The following PHC3 variants were observed in gnomAD, a reference collection of about 807,000 sequenced individuals.
PHC3 encodes polyhomeotic-like protein 3.
PHC3 carries 13 observed loss-of-function variants against 107.4 expected under a neutral mutation model. The ratio of observed to expected loss-of-function variants is 0.12; its 90% CI spans 0.08 to 0.19. The LOEUF (loss-of-function observed/expected upper bound fraction) is 0.19. Among genes scored for constraint, PHC3 ranks in the 10% least tolerant of loss-of-function variants. PHC3 has a pLI of 1.00. For synonymous variants in PHC3, 456 were observed against 427.4 expected, an observed-to-expected ratio of 1.07 and a Z score of -0.83; for missense variants, 992 against 1,210.9, an observed-to-expected ratio of 0.82 and a Z score of 2.68.
chr3:170,115,987 A>G (rs1215129764), intron 10 of PHC3, among the ~76,000 whole-genome samples: 2 of 152,032 alleles, frequency 1.3e-5, no homozygotes, highest in Non-Finnish European at 2.9e-5. Flanking sequence ...AATCCAGATG[A>G]CTCAAAAGGC....
At chr3:170,136,119 T>C (rs920009397) in intron 7 of PHC3, among the ~76,000 whole-genome samples, 2 of 152,172 alleles carry the variant, frequency 1.3e-5, no homozygotes, top group African/African-American at 2.4e-5. Context: ...TTAAATAAAC[T>C]ACAGGCAAAT....
At chr3:170,165,107 A>T (rs1728515654) in intron 4 of PHC3, among the ~76,000 whole-genome samples, 1 of 152,220 alleles carries the variant, frequency 6.6e-6, no homozygotes, top group Non-Finnish European at 1.5e-5. Context: ...GAGAGGCTTC[A>T]GTAGCAGCCT....
rs749446290 is a variant in PHC3 at position 170,091,438 on chromosome 3, T to A, written c.*5792A>T. 3.3e-5 allele frequency: 5 copies of A among 152,152 alleles called. No individual in the cohort carries two copies. Among genetic ancestry groups the A allele is most frequent in the Non-Finnish European group, 5.9e-5 (4 of 68,022 alleles). 9.4% of individuals were successfully genotyped at this position (152,152 alleles called of 1,614,324 possible). A position where few individuals can be genotyped will look rare whatever the true frequency, so the allele number is the denominator to read the frequency against. On this transcript the variant is annotated 3_prime_UTR_variant, in exon 15 of 15. Coordinates refer to ENST00000495893, the MANE Select transcript of PHC3 (RefSeq NM_024947.4). ...TAAAAAGCAGTAGAAACAAAAATATTTTTCAAAAGTATAAAGCTAGCTAGA... is the reference window on the plus strand; with the variant it reads ...TAAAAAGCAGTAGAAACAAAAATATATTTCAAAAGTATAAAGCTAGCTAGA...
chr3:170,117,247 C>T lies in PHC3; in HGVS notation c.2172G>A (p.Gln724=). The change falls in exon 10 of 15, where the codon CAG becomes CAA. Residue 724 remains glutamine (Q), a synonymous_variant. Coordinates refer to ENST00000495893, the MANE Select transcript of PHC3 (RefSeq NM_024947.4). The stretch of plus-strand genomic sequence containing the variant: ...TTACAGGAAATGGCTCCAATCCCTC[C>T]TGAATCACAAAGCCTTCAATAACAT... The part of the protein sequence containing the change: ...LTHVIEGFVI[Q]EGLEPFPVSR... 1 of 1,613,990 alleles carries T rather than the reference C, an allele frequency of 6.2e-7. No homozygotes were observed. Among genetic ancestry groups the T allele is most frequent in the Non-Finnish European group, 8.5e-7 (1 of 1,179,872 alleles).
intron 6 of PHC3, 41 bp downstream of exon 6, chr3:170,145,382 C>A: frequency 1.3e-6 from 2 of 1,526,688 alleles, no homozygotes; most frequent in South Asian, 1.2e-5. Context: ...ACCTGAAGAT[C>A]CAGATCTCAA....
chr3:170,173,935 G>T (rs142709427), intron 2 of PHC3, among the ~76,000 whole-genome samples: 5 of 152,182 alleles, frequency 3.3e-5, no homozygotes, highest in African/African-American at 7.2e-5. Context: ...GCTCATGCCT[G>T]TGATCCCACC....
At chr3:170,172,441 G>C (rs1436891777) in intron 3 of PHC3, 116 bp downstream of exon 3, 1 of 1,138,082 alleles carries the variant, frequency 8.8e-7, no homozygotes, top group Non-Finnish European at 1.2e-6. Flanking sequence ...TTTCCTCCGG[G>C]AAAAATAACC....
chr3:170,129,009 G>C lies in PHC3; in HGVS notation c.1463C>G (p.Ser488Cys), dbSNP rs533549331. Reference sequence around the variant, plus strand: ...TGGAGAGACAATCTGCTGGCCTGGGGATACCAAGGCAGACTGCTGAACTGG... The same window carrying C: ...TGGAGAGACAATCTGCTGGCCTGGGCATACCAAGGCAGACTGCTGAACTGG... The part of the protein sequence containing the change: ...IGPVQQSALV[S>C]PGQQIVSPSH... Residue 488 changes from serine (S) to cysteine (C), a missense_variant, in exon 8 of 15, where the codon TCC (serine) becomes TGC (cysteine). Around this residue, in one of 6 missense-constraint regions of PHC3, gnomAD observed 543 missense variants for 590.8 expected, o/e 0.92. Coordinates refer to ENST00000495893, the MANE Select transcript of PHC3 (RefSeq NM_024947.4). 1.9e-6 allele frequency: 3 copies of C among 1,613,610 alleles called. No homozygotes were observed. The Admixed American group carries it at 5.0e-5, about 27-fold the overall frequency.
chr3:170,098,076 G>A (rs978495116), intron 14 of PHC3, among the ~76,000 whole-genome samples: 2 of 152,056 alleles, frequency 1.3e-5, no homozygotes, highest in African/African-American at 4.8e-5. Flanking sequence ...GCTTGCTGGC[G>A]AATTTCCTGC....
intron 4 of PHC3, chr3:170,170,312 C>T (rs904366678): frequency 1.3e-5 from 2 of 150,440 alleles, no homozygotes; most frequent in African/African-American, 4.9e-5. Flanking sequence ...GGCAGTTTGC[C>T]CCCCACCAGG....
At chr3:170,114,951 T>C (rs1258988081) in intron 10 of PHC3, among the ~76,000 whole-genome samples, 1 of 152,192 alleles carries the variant, frequency 6.6e-6, no homozygotes, top group Non-Finnish European at 1.5e-5. Flanking sequence ...ACAGAAGTTA[T>C]TGCTTAAAGA....
At chr3:170,152,270 A>G (rs1726116393) in intron 4 of PHC3, among the ~76,000 whole-genome samples, 1 of 151,174 alleles carries the variant, frequency 6.6e-6, no homozygotes, top group Admixed American at 6.6e-5. Context: ...TCCTGGGTTC[A>G]CATCATTCTC....
rs2108239348 is a variant in PHC3 at position 170,095,614 on chromosome 3, T to C, written c.*1616A>G. 6.6e-6 allele frequency: 1 copy of C among 152,222 alleles called. No individual in the cohort carries two copies. The highest frequency in any genetic ancestry group is 1.9e-4 in the East Asian group (1 of 5,196). The allele number at this position is 152,222 out of a possible 1,614,324, so 9.4% of individuals were successfully genotyped here. ...TGACTGAAACTCACGGACTCTTTTT[T>C]TCCCCTCCTTACTCGACTTCTGCCA... is the stretch of plus-strand genomic sequence containing the variant. On this transcript the variant is annotated 3_prime_UTR_variant, in exon 15 of 15. Transcript: ENST00000495893.
intron 7 of PHC3, among the ~76,000 whole-genome samples, chr3:170,133,635 A>G (rs1006755410): frequency 6.6e-6 from 1 of 152,250 alleles, no homozygotes; most frequent in African/African-American, 2.4e-5. Flanking sequence ...TTTATAATCA[A>G]CAACATCAAG....
Position 170,097,492 on chromosome 3 carries a change from G to A in PHC3, c.2834-108C>T, listed in dbSNP as rs1714776347. The stretch of plus-strand genomic sequence containing the variant: ...ACTGGGTCTGAGAATCTGAAATACA[G>A]GCTGAGAAACAAATGAAATTTATTT... On this transcript the variant is annotated intron_variant, in intron 14 of 14. Coordinates refer to ENST00000495893, the MANE Select transcript of PHC3 (RefSeq NM_024947.4). The surrounding 1 kb of genome is among the most constrained non-coding windows in gnomAD (Gnocchi z 4.1). The A allele has an allele frequency of 9.5e-7, 1 of 1,055,844 alleles. No individual in the cohort carries two copies. The highest frequency in any genetic ancestry group is 1.3e-6 in the Non-Finnish European group (1 of 775,846). 65.4% of individuals were successfully genotyped at this position (1,055,844 alleles called of 1,614,324 possible).
chr3:170,122,595 C>A lies in PHC3; in HGVS notation c.1938G>T (p.Leu646Phe), dbSNP rs1275624820. ...RGEDLTSEHPLLEQVELPAVA... is the reference protein window; with the variant it reads ...RGEDLTSEHPFLEQVELPAVA... Reference sequence around the variant, plus strand: ...CAAATTTTGGTATTTTCTCACCTAACAAAGGATGTTCAGAAGTCAAATCTT... The same window carrying A: ...CAAATTTTGGTATTTTCTCACCTAAAAAAGGATGTTCAGAAGTCAAATCTT... The change falls in exon 9 of 15, where the codon TTG becomes TTT. Residue 646 changes from leucine to phenylalanine, a missense_variant. Leu to Phe is a conservative substitution (Grantham distance 22). Around this residue, in one of 6 missense-constraint regions of PHC3, gnomAD observed 543 missense variants for 590.8 expected, o/e 0.92. Transcript: ENST00000495893. 1.2e-6 allele frequency: 2 copies of A among 1,613,744 alleles called. No homozygotes were observed. Among genetic ancestry groups the A allele is most frequent in the African/African-American group, 2.7e-5 (2 of 74,916 alleles).
rs770410449 is a variant in PHC3, at chr3:170,102,724, T to C, written c.2602-14A>G. On this transcript the variant is annotated splice_polypyrimidine_tract_variant and intron_variant, in intron 13 of 14. Transcript: ENST00000495893. ...AGTAATTGGAAGCTGGAAAATGTAG[T>C]ACAAGCAAAATACAGCATTGCACTT... The C allele has an allele frequency of 4.3e-6, 7 of 1,613,848 alleles. No individual in the cohort carries two copies. In the East Asian group the frequency reaches 1.3e-4, roughly 31 times the overall value.
chr3:170,121,625 C>T lies in PHC3; in HGVS notation c.1942+966G>A, dbSNP rs556240972. The stretch of plus-strand genomic sequence containing the variant: ...GTCATCCTCCTACCTCAGCCTCTGA[C>T]GAAGCTGGGACTCCGGGCATGCACC... On this transcript the variant is annotated intron_variant, in intron 9 of 14. Transcript: ENST00000495893. 5.9e-4 allele frequency among the ~76,000 whole-genome samples: 90 copies of T among 152,148 alleles called. 1 individual carries two copies. Among genetic ancestry groups the T allele is most frequent in the African/African-American group, 2.1e-3 (86 of 41,532 alleles).
intron 12 of PHC3, among the ~76,000 whole-genome samples, chr3:170,105,073 G>A (rs1052357823): frequency 7.2e-5 from 11 of 152,248 alleles, no homozygotes; most frequent in Non-Finnish European, 2.9e-5. Flanking sequence ...GAGGTTCATC[G>A]AAAGGATACT....
Sources: gnomAD v4.1 joint callset for allele counts (sites outside exome capture counted in the v4.1 genomes callset) on GRCh38, gnomAD v4.1.1 for gene constraint, gnomAD v4.1.1 regional missense constraint, Gnocchi (gnomAD v3.1) non-coding constraint, MANE v1.5 for transcripts, NCBI Gene and HGNC (gene_info 2026-07-23, HGNC 2026-07-21) for gene names.